Variants in CNTNAP5 observed in about 807,000 individuals in gnomAD.
CNTNAP5 encodes contactin associated protein family member 5, also known as contactin-associated protein-like 5.
In CNTNAP5, 72 loss-of-function variants were observed where a neutral mutation model predicts 150.2. That is an observed-to-expected ratio of 0.48 (90% CI 0.40 to 0.58). CNTNAP5 has a LOEUF of 0.58. Ranked by LOEUF, CNTNAP5 falls within the 20% of genes least tolerant of loss-of-function variation. CNTNAP5 has a pLI of 0.00. For synonymous variants in CNTNAP5, 672 were observed against 619.8 expected (o/e 1.08, Z -1.25); for missense variants, 1,636 against 1,626.2 (o/e 1.01, Z -0.10).
intron 7 of CNTNAP5, among the ~76,000 whole-genome samples, chr2:124,487,198 C>G (rs1281511377): frequency 1.3e-5 from 2 of 152,120 alleles, no homozygotes; most frequent in Non-Finnish European, 2.9e-5. Context: ...AGGAAGCAAG[C>G]TCTCTGAAGC....
At chr2:124,297,569 T>C (rs1354575346) in intron 3 of CNTNAP5, among the ~76,000 whole-genome samples, 1 of 152,100 alleles carries the variant, frequency 6.6e-6, no homozygotes, top group Non-Finnish European at 1.5e-5. Flanking sequence ...TGCTCCCTCA[T>C]ATATACAATC....
chr2:124,708,996 C>T (rs1375006212), intron 13 of CNTNAP5, among the ~76,000 whole-genome samples: 2 of 152,264 alleles, frequency 1.3e-5, no homozygotes, highest in African/African-American at 2.4e-5. Context: ...ACTCACCGTG[C>T]GCTGTGCTTC....
At chr2:124,564,887 C>T (rs943284490) in intron 11 of CNTNAP5, among the ~76,000 whole-genome samples, 40 of 152,102 alleles carry the variant, frequency 2.6e-4, no homozygotes, top group African/African-American at 8.0e-4. Flanking sequence ...ATTTTCTAGA[C>T]GTAAGAGTGC....
chr2:124,455,790 C>T (rs1386128947), intron 6 of CNTNAP5, among the ~76,000 whole-genome samples: 1 of 152,088 alleles, frequency 6.6e-6, no homozygotes, highest in African/African-American at 2.4e-5. Context: ...TTATACACTA[C>T]ATAAACAGAA....
At chr2:124,073,731 G>T (rs1042427581) in intron 1 of CNTNAP5, among the ~76,000 whole-genome samples, 2 of 151,954 alleles carry the variant, frequency 1.3e-5, no homozygotes, top group Non-Finnish European at 2.9e-5. Flanking sequence ...GCTTATATAC[G>T]ATTCATGGAA....
chr2:124,325,284 G>T (rs1689189178), intron 3 of CNTNAP5, among the ~76,000 whole-genome samples: 1 of 152,106 alleles, frequency 6.6e-6, no homozygotes, highest in South Asian at 2.1e-4. Flanking sequence ...GGAGTTTCCA[G>T]CCTCCAAAAT....
chr2:124,881,353 TAGGTGGGTGGCAGAGTACCC>T (rs1677960644), intron 21 of CNTNAP5, among the ~76,000 whole-genome samples: 1 of 151,570 alleles, frequency 6.6e-6, no homozygotes, highest in Non-Finnish European at 1.5e-5. Flanking sequence ...ATTCACTGGG[TAGGTGGGTGGCAGAGTACCC>T]AGGGAAGGAA....
In CNTNAP5 at chr2:124,221,806, G is replaced by A; in HGVS notation, c.184G>A (p.Val62Ile). 3.8e-6 allele frequency: 6 copies of A among 1,599,830 alleles called. No individual in the cohort carries two copies. The highest frequency in any genetic ancestry group is 5.1e-6 in the Non-Finnish European group (6 of 1,170,488). The change falls in exon 2 of 24, where the codon GTT becomes ATT. Residue 62 changes from valine to isoleucine, a missense_variant. By Grantham distance (29) the Val-to-Ile change is conservative. Coordinates refer to ENST00000682447, the MANE Select transcript of CNTNAP5 (RefSeq NM_001367498.1). The part of the protein sequence containing the change: ...THSPAQLNWR[V>I]GTGGWSPADS... ...CAGCCCAGCTCAACTCAACTGGAGA[G>A]TTGGTAAGTAGGCTGACTGAAATCC...
intron 3 of CNTNAP5, among the ~76,000 whole-genome samples, chr2:124,379,226 C>T (rs984780374): frequency 6.6e-6 from 1 of 151,726 alleles, no homozygotes; most frequent in Non-Finnish European, 1.5e-5. Context: ...ACTCTTGGTG[C>T]TGTACATGCT....
chr2:124,687,949 G>T (rs1023503029), intron 13 of CNTNAP5, among the ~76,000 whole-genome samples: 1 of 152,034 alleles, frequency 6.6e-6, no homozygotes, highest in African/African-American at 2.4e-5. Flanking sequence ...CATTTTACTA[G>T]TACTAATTCT....
At chr2:124,785,041 G>GAAAAAAAAAAAAA (rs67254743) in intron 17 of CNTNAP5, among the ~76,000 whole-genome samples, 42 of 123,274 alleles carry the variant, frequency 3.4e-4, no homozygotes, top group South Asian at 5.2e-4. Context: ...TTAAGGCTGA[G>GAAAAAAAAAAAAA]AAAAAAAAAA....
intron 10 of CNTNAP5, among the ~76,000 whole-genome samples, chr2:124,549,243 G>A (rs1558949406): frequency 2.0e-5 from 3 of 152,300 alleles, no homozygotes; most frequent in Non-Finnish European, 4.4e-5. Context: ...ATAGCAGTAA[G>A]CGCCAAGCTT....
At chr2:124,405,314 C>T (rs1021642344) in intron 3 of CNTNAP5, among the ~76,000 whole-genome samples, 1 of 152,180 alleles carries the variant, frequency 6.6e-6, no homozygotes, top group Non-Finnish European at 1.5e-5. Flanking sequence ...TGGGCTGAAA[C>T]CTTCTTTGAT....
intron 3 of CNTNAP5, among the ~76,000 whole-genome samples, chr2:124,358,416 T>C (rs946346947): frequency 6.6e-6 from 1 of 152,222 alleles, no homozygotes; most frequent in African/African-American, 2.4e-5. Flanking sequence ...TTTTTGCCCA[T>C]TCAGTATGAT....
intron 3 of CNTNAP5, among the ~76,000 whole-genome samples, chr2:124,363,106 A>C (rs115649158): frequency 6.6e-6 from 1 of 152,204 alleles, no homozygotes; most frequent in Admixed American, 6.5e-5. Context: ...TGAAGGCACT[A>C]TGATGTTTGT....
chr2:124,198,533 C>T (rs1037540931), intron 1 of CNTNAP5, among the ~76,000 whole-genome samples: 1 of 151,962 alleles, frequency 6.6e-6, no homozygotes, highest in African/African-American at 2.4e-5. Context: ...GAGCAAAGTA[C>T]CCAATAGGTA....
intron 3 of CNTNAP5, among the ~76,000 whole-genome samples, chr2:124,373,913 A>G (rs1457091337): frequency 6.6e-6 from 1 of 152,110 alleles, no homozygotes; most frequent in East Asian, 1.9e-4. Context: ...GAATAATTTT[A>G]CATGTAACAT....
At chr2:124,540,317 T>G (rs12468237) in intron 10 of CNTNAP5, among the ~76,000 whole-genome samples, 2 of 152,006 alleles carry the variant, frequency 1.3e-5, no homozygotes, top group African/African-American at 4.8e-5. Context: ...AATCATTGTA[T>G]TGAGAATTGT....
intron 3 of CNTNAP5, among the ~76,000 whole-genome samples, chr2:124,415,571 C>A (rs1691896321): frequency 6.6e-6 from 1 of 152,178 alleles, no homozygotes; most frequent in African/African-American, 2.4e-5. Flanking sequence ...TCTGCGAAAG[C>A]AATGGATCTT....
Sources: gnomAD v4.1 joint callset for allele counts (sites outside exome capture counted in the v4.1 genomes callset) on GRCh38, gnomAD v4.1.1 for gene constraint, MANE v1.5 for transcripts, NCBI Gene and HGNC (gene_info 2026-07-23, HGNC 2026-07-21) for gene names.